The following REXO4 variants were observed in gnomAD, a reference collection of about 807,000 sequenced individuals.
REXO4 encodes the protein RNA exonuclease 4.
A neutral mutation model predicts 39.9 loss-of-function variants in REXO4; 29 were observed. The observed-to-expected ratio is 0.73, with a 90% CI of 0.54 to 0.99. REXO4 has a LOEUF of 0.99. REXO4 is among the 50% of genes least tolerant of loss of function. The probability of loss-of-function intolerance (pLI) is 0.00; values close to 1 mark genes in which losing one functional copy is unlikely to be tolerated. For synonymous variants in REXO4, 184 were observed against 206.2 expected, an observed-to-expected ratio of 0.89 and a Z score of 0.92; for missense variants, 524 against 546.5, an observed-to-expected ratio of 0.96 and a Z score of 0.41.
intron 5 of REXO4, among the ~76,000 whole-genome samples, chr9:133,409,443 AG>A (rs1839098758): frequency 6.6e-6 from 1 of 152,244 alleles, no homozygotes; most frequent in Non-Finnish European, 1.5e-5. Flanking sequence ...AACAGTCAAC[AG>A]TTAACCAGCA....
chr9:133,410,428 C>A (rs190027080), intron 5 of REXO4, among the ~76,000 whole-genome samples: 199 of 152,356 alleles, frequency 1.3e-3, no homozygotes, highest in Middle Eastern at 3.4e-3. Flanking sequence ...CCACCCATGA[C>A]GCCTTCCCTG....
Position 133,410,995 on chromosome 9 carries a change from T to C in REXO4, c.989A>G (p.Asn330Ser), listed in dbSNP as rs782653723. The change falls in exon 5 of 8, where the codon AAT becomes AGT. Residue 330 changes from asparagine (N) to serine (S), a missense_variant. Asn to Ser is a conservative substitution (Grantham distance 46). Coordinates refer to ENST00000371942, the MANE Select transcript of REXO4 (RefSeq NM_020385.4). Reference protein sequence around the residue: ...GRILVGHALHNDLKVLFLDHP... With the variant: ...GRILVGHALHSDLKVLFLDHP... The stretch of plus-strand genomic sequence containing the variant: ...GAGAGAGCCCAGTACCTTTAGGTCA[T>C]TATGCAGAGCGTGCCCCACTAGAAT... The C allele has an allele frequency of 2.5e-6, 4 of 1,613,912 alleles. No individual in the cohort carries two copies. The East Asian group carries it at 6.7e-5, about 27-fold the overall frequency.
rs1554780593 is a variant in REXO4 at position 133,412,909 on chromosome 9, C to A, written c.585G>T (p.Trp195Cys). The change falls in exon 3 of 8, where the codon TGG (tryptophan) becomes TGT (cysteine). Residue 195 changes from tryptophan (W) to cysteine (C), a missense_variant. Transcript: ENST00000371942. The part of the protein sequence containing the change: ...APAPPTEEDI[W>C]FDDVDPADIE... ...TATCCGCTGGGTCCACGTCGTCAAACCAGATGTCTTCCCTAAAAGGCAAAG... is the reference window on the plus strand; with the variant it reads ...TATCCGCTGGGTCCACGTCGTCAAAACAGATGTCTTCCCTAAAAGGCAAAG... 6.2e-7 allele frequency: 1 copy of A among 1,614,004 alleles called. No individual in the cohort carries two copies. The highest frequency in any genetic ancestry group is 1.1e-5 in the South Asian group (1 of 91,082).
chr9:133,412,447 G>A lies in REXO4; in HGVS notation c.762C>T (p.Gly254=). The A allele has an allele frequency of 6.2e-7, 1 of 1,614,050 alleles. No individual in the cohort carries two copies. Among genetic ancestry groups the A allele is most frequent in the Non-Finnish European group, 8.5e-7 (1 of 1,180,028 alleles). The change falls in exon 4 of 8, where the codon GGC becomes GGT. Residue 254 remains glycine, a synonymous_variant. Transcript: ENST00000371942. ...LALDCEMVGV[G]PKGEESMAAR... is the part of the protein sequence containing the mutation. The stretch of plus-strand genomic sequence containing the variant: ...CGGCCATGCTCTCCTCCCCCTTAGG[G>A]CCCACGCCCACCATCTCACAGTCCA...
chr9:133,407,780 A>G, intron 7 of REXO4, 27 bp downstream of exon 7: 2 of 1,605,474 alleles, frequency 1.2e-6, no homozygotes, highest in Non-Finnish European at 1.7e-6. Flanking sequence ...CCCAAACCCC[A>G]TGAACTACCC....
intron 3 of REXO4, 119 bp from the exon 4 acceptor site, chr9:133,412,611 A>C: frequency 7.1e-7 from 1 of 1,406,304 alleles, no homozygotes; most frequent in Non-Finnish European, 9.8e-7. Context: ...CCCCTCACTC[A>C]TTTGCACCCA....
Position 133,406,911 on chromosome 9 carries a change from T to A in REXO4, c.*42A>T. On this transcript the variant is annotated 3_prime_UTR_variant, in exon 8 of 8. Coordinates refer to ENST00000371942, the MANE Select transcript of REXO4 (RefSeq NM_020385.4). Reference sequence around the variant, plus strand: ...TGATCTGTCCCTGTGACTGGTCACATTGCCTCTGTAGCGGGGCGGCAGCAG... The same window carrying A: ...TGATCTGTCCCTGTGACTGGTCACAATGCCTCTGTAGCGGGGCGGCAGCAG... 1 of 1,604,998 alleles carries A rather than the reference T, an allele frequency of 6.2e-7. No individual in the cohort carries two copies.
At chr9:133,415,082 C>G in intron 1 of REXO4, 71 bp from the exon 2 acceptor site, 1 of 1,258,874 alleles carries the variant, frequency 7.9e-7, no homozygotes, top group South Asian at 1.4e-5. Flanking sequence ...AAAAAACTTA[C>G]GTGTGTATGT....
Position 133,406,737 on chromosome 9 carries a change from A to G in REXO4, c.*216T>C, listed in dbSNP as rs1554778867. ...ATGGCCGTCCCTGCTCCCCACCCTGACCATCCGGGCCCAAACACACATGGA... is the reference window on the plus strand; with the variant it reads ...ATGGCCGTCCCTGCTCCCCACCCTGGCCATCCGGGCCCAAACACACATGGA... On this transcript the variant is annotated 3_prime_UTR_variant, in exon 8 of 8. Coordinates refer to ENST00000371942, the MANE Select transcript of REXO4 (RefSeq NM_020385.4). The G allele has an allele frequency of 3.0e-6, 2 of 672,578 alleles. No individual in the cohort carries two copies. The highest frequency in any genetic ancestry group is 4.9e-6 in the Non-Finnish European group (2 of 410,900). 41.7% of individuals were successfully genotyped at this position (672,578 alleles called of 1,614,324 possible).
rs915205174 is a variant in REXO4, at chr9:133,412,565, T to G, written c.717-73A>C. ...GGGCTCCAGGTCAGAGCCCCAGGGA[T>G]CCATGGACTAAGTGTCAGCAGAGAA... On this transcript the variant is annotated intron_variant, in intron 3 of 7. Transcript: ENST00000371942. The G allele has an allele frequency of 1.2e-5, 19 of 1,534,906 alleles. No homozygotes were observed. In the African/African-American group the frequency reaches 2.3e-4, roughly 19 times the overall value.
Position 133,412,800 on chromosome 9 carries a change from C to CGAGCCT in REXO4, c.693_694insAGGCTC (p.Leu231_Val232insArgLeu). The CGAGCCT allele has an allele frequency of 6.2e-7, 1 of 1,613,304 alleles. No individual in the cohort carries two copies. Among genetic ancestry groups the CGAGCCT allele is most frequent in the Non-Finnish European group, 8.5e-7 (1 of 1,180,040 alleles). ...TACCCGCCGAAGGCCTGCTCTTTCA[C>CGAGCCT]GAGGCTGAGGCTGACGCTGCCCTCG... is the stretch of plus-strand genomic sequence containing the variant. On this transcript the variant is annotated inframe_insertion, in exon 3 of 8. Transcript: ENST00000371942.
chr9:133,412,389 A>G lies in REXO4; in HGVS notation c.820T>C (p.Cys274Arg). ...GGTTTGACGTACTTGTCATAAACGC[A>G]CTTCCCATACTGGTTCACGATGGAC... is the stretch of plus-strand genomic sequence containing the variant. ...RVSIVNQYGK[C>R]VYDKYVKPTE... Residue 274 changes from cysteine (C) to arginine (R), a missense_variant, in exon 4 of 8, where the codon TGC (cysteine) becomes CGC (arginine). Physicochemically the swap from Cys to Arg is radical, Grantham distance 180. Coordinates refer to ENST00000371942, the MANE Select transcript of REXO4 (RefSeq NM_020385.4). 1.9e-6 allele frequency: 3 copies of G among 1,613,946 alleles called. No individual in the cohort carries two copies. The highest frequency in any genetic ancestry group is 2.5e-6 in the Non-Finnish European group (3 of 1,179,998).
chr9:133,407,983 G>A, intron 6 of REXO4, 102 bp from the exon 7 acceptor site: 6 of 832,122 alleles, frequency 7.2e-6, no homozygotes, highest in African/African-American at 1.7e-5. Flanking sequence ...TCACCCAAGC[G>A]ACCTACAGTT....
chr9:133,417,971 A>G lies in REXO4; in HGVS notation c.-127T>C. 3 of 849,178 alleles carry G rather than the reference A, an allele frequency of 3.5e-6. No individual in the cohort carries two copies. Among genetic ancestry groups the G allele is most frequent in the Non-Finnish European group, 5.3e-6 (3 of 561,358 alleles). 52.6% of individuals were successfully genotyped at this position (849,178 alleles called of 1,614,324 possible). On this transcript the variant is annotated 5_prime_UTR_variant, in exon 1 of 8. Transcript: ENST00000371942. ...CACACCCACCGCAGGGACCCCGTCC[A>G]GGAAAAGACTCCGGAAGAGACCCCG...
At chr9:133,412,742 AT>A in intron 3 of REXO4, 35 bp downstream of exon 3, 2 of 1,603,210 alleles carry the variant, frequency 1.2e-6, no homozygotes, top group Middle Eastern at 1.7e-4. Context: ...ACGGCTAAGC[AT>A]CCCCAGCAGA....
chr9:133,415,163 G>T, intron 1 of REXO4, 152 bp from the exon 2 acceptor site: 1 of 669,904 alleles, frequency 1.5e-6, no homozygotes, highest in Non-Finnish European at 2.4e-6. Flanking sequence ...TTTTCAAACG[G>T]TTTGGAAAAA....
chr9:133,408,364 T>C (rs1839023668), intron 6 of REXO4, among the ~76,000 whole-genome samples: 1 of 151,388 alleles, frequency 6.6e-6, no homozygotes, highest in Non-Finnish European at 1.5e-5. Flanking sequence ...GAGGCTAAGG[T>C]GGAAGGATTG....
rs1288224229 is a variant in REXO4, at chr9:133,406,463, C to G, written c.*490G>C. On this transcript the variant is annotated 3_prime_UTR_variant, in exon 8 of 8. Transcript: ENST00000371942. ...AACCCCTGATGTAACACCTGTTGTG[C>G]CGGCCAGCTGTGTCTCAGGAGCTGA... 6.2e-6 allele frequency: 1 copy of G among 161,870 alleles called. No individual in the cohort carries two copies. The highest frequency in any genetic ancestry group is 1.4e-5 in the Non-Finnish European group (1 of 72,946). 10.0% of individuals were successfully genotyped at this position (161,870 alleles called of 1,614,324 possible). A position where few individuals can be genotyped will look rare whatever the true frequency, so the allele number is the denominator to read the frequency against.
chr9:133,408,934 TTGTGTGTGTGTGTGTGTG>T lies in REXO4; in HGVS notation c.1000-110_1000-93del, dbSNP rs71503345. ...CCGCCACCTTTTGCAAGTAACATCT[TTGTGTGTGTGTGTGTGTG>T]TGTGTGTGTGTGTGTGTGTGTGTGT... On this transcript the variant is annotated intron_variant, in intron 5 of 7. Transcript: ENST00000371942. 3,100 of 321,852 alleles carry T rather than the reference TTGTGTGTGTGTGTGTGTG, an allele frequency of 9.6e-3. 31 individuals carry two copies. The highest frequency in any genetic ancestry group is 0.045 in the African/African-American group (1,322 of 29,408). The allele number at this position is 321,852 out of a possible 1,614,324, so 19.9% of individuals were successfully genotyped here. A position where few individuals can be genotyped will look rare whatever the true frequency, so the allele number is the denominator to read the frequency against.
Sources: gnomAD v4.1 joint callset for allele counts (sites outside exome capture counted in the v4.1 genomes callset) on GRCh38, gnomAD v4.1.1 for gene constraint, MANE v1.5 for transcripts, NCBI Gene and HGNC (gene_info 2026-07-23, HGNC 2026-07-21) for gene names.